INPP5D: variants seen among roughly 807,000 people sequenced by gnomAD.
INPP5D encodes the protein phosphatidylinositol 3,4,5-trisphosphate 5-phosphatase 1.
In INPP5D, 33 loss-of-function variants were observed where a neutral mutation model predicts 122.9. The observed-to-expected ratio is 0.27, with a 90% confidence interval of 0.20 to 0.36. INPP5D has a LOEUF of 0.36. Ranked by LOEUF, INPP5D falls within the 10% of genes least tolerant of loss-of-function variation. The probability of loss-of-function intolerance (pLI) is 1.00; values close to 1 mark genes in which losing one functional copy is unlikely to be tolerated. For missense variants in INPP5D, 1,053 were observed against 1,412.7 expected, an observed-to-expected ratio of 0.75 and a Z score of 4.08; for synonymous variants, 584 against 576.2, an observed-to-expected ratio of 1.01 and a Z score of -0.19.
chr2:233,170,279 G>A lies in INPP5D; in HGVS notation c.1791+115G>A. On this transcript the variant is annotated intron_variant, in intron 15 of 26. Coordinates refer to ENST00000445964, the MANE Select transcript of INPP5D (RefSeq NM_001017915.3). This position sits in a 1 kb window ranked among gnomAD's most constrained non-coding sequence, Gnocchi z 4.5. ...GTGAATCAAGTGGGCTGAGGCGGCTGCTCCCCTTGGGGGCTCAACGCTGTT... is the reference window on the plus strand; with the variant it reads ...GTGAATCAAGTGGGCTGAGGCGGCTACTCCCCTTGGGGGCTCAACGCTGTT... 1.3e-6 allele frequency: 2 copies of A among 1,515,492 alleles called. No homozygotes were observed. Among genetic ancestry groups the A allele is most frequent in the Non-Finnish European group, 8.9e-7 (1 of 1,128,354 alleles). The allele number at this position is 1,515,492 out of a possible 1,614,324, so 93.9% of individuals were successfully genotyped here. A position where few individuals can be genotyped will look rare whatever the true frequency, so the allele number is the denominator to read the frequency against.
intron 5 of INPP5D, chr2:233,131,070 A>G (rs1487371561): frequency 3.6e-6 from 2 of 558,744 alleles, no homozygotes; most frequent in African/African-American, 4.1e-5. Flanking sequence ...GTGGGTGGTT[A>G]TGGCCCAAGA....
intron 2 of INPP5D, among the ~76,000 whole-genome samples, chr2:233,115,790 T>C (rs528948375): frequency 3.3e-5 from 5 of 152,208 alleles, no homozygotes; most frequent in Non-Finnish European, 7.3e-5. Flanking sequence ...GGGCTGCCAT[T>C]ATGTCATTAT....
At chr2:233,111,240 G>A (rs2106243768) in intron 2 of INPP5D, among the ~76,000 whole-genome samples, 1 of 152,250 alleles carries the variant, frequency 6.6e-6, no homozygotes, top group South Asian at 2.1e-4. Flanking sequence ...TAACATGGAT[G>A]AAACACCACC....
chr2:233,181,087 T>C lies in INPP5D; in HGVS notation c.2072-1323T>C, dbSNP rs181998356. 1.5e-3 allele frequency among the ~76,000 whole-genome samples: 231 copies of C among 152,280 alleles called. 2 individuals are homozygous for C. In the East Asian group the frequency reaches 0.024, roughly 16 times the overall value. ...CTTTGCCCCTGGACCCTTGACTCCATCTATTCCTTCTCCACTACCAACCAG... is the reference window on the plus strand; with the variant it reads ...CTTTGCCCCTGGACCCTTGACTCCACCTATTCCTTCTCCACTACCAACCAG... On this transcript the variant is annotated intron_variant, in intron 18 of 26. Coordinates refer to ENST00000445964, the MANE Select transcript of INPP5D (RefSeq NM_001017915.3).
At chr2:233,093,155 CT>C (rs554162870) in intron 2 of INPP5D, among the ~76,000 whole-genome samples, 2 of 152,230 alleles carry the variant, frequency 1.3e-5, no homozygotes, top group African/African-American at 4.8e-5. Context: ...TCTTTCTTTT[CT>C]TTTTTTGGAC....
chr2:233,136,477 T>TAAA (rs56838121), intron 5 of INPP5D, among the ~76,000 whole-genome samples: 2 of 145,138 alleles, frequency 1.4e-5, no homozygotes, highest in Non-Finnish European at 3.0e-5. Flanking sequence ...AGACCGCGTT[T>TAAA]AAAAAAAAAA....
At chr2:233,131,770 CG>C (rs1693335161) in intron 5 of INPP5D, among the ~76,000 whole-genome samples, 1 of 152,128 alleles carries the variant, frequency 6.6e-6, no homozygotes, top group Admixed American at 6.5e-5. Flanking sequence ...ATACTGGCAA[CG>C]GTTTTGTAGT....
intron 13 of INPP5D, among the ~76,000 whole-genome samples, chr2:233,165,812 G>A (rs969741720): frequency 2.6e-5 from 4 of 151,794 alleles, no homozygotes; most frequent in African/African-American, 4.8e-5. Flanking sequence ...GTGGGTGTCC[G>A]AGTGCATGTG....
At chr2:233,201,921 G>A (rs1294018495) in intron 25 of INPP5D, among the ~76,000 whole-genome samples, 2 of 152,148 alleles carry the variant, frequency 1.3e-5, no homozygotes, top group Non-Finnish European at 2.9e-5. Context: ...TCAATTTCTT[G>A]TTACCTTTGG....
chr2:233,127,091 A>G (rs1261886381), intron 4 of INPP5D, among the ~76,000 whole-genome samples: 2 of 152,044 alleles, frequency 1.3e-5, no homozygotes, highest in African/African-American at 2.4e-5. Flanking sequence ...CGCCAACTCC[A>G]TCTCCTCCTC....
At chr2:233,130,868 C>T in intron 5 of INPP5D, 1 of 698,308 alleles carries the variant, frequency 1.4e-6, no homozygotes, top group Non-Finnish European at 2.6e-6. Context: ...CTTTTTACAA[C>T]TAAAGTTAAT....
At chr2:233,123,677 T>C (rs957765154) in intron 3 of INPP5D, among the ~76,000 whole-genome samples, 3 of 152,232 alleles carry the variant, frequency 2.0e-5, no homozygotes, top group African/African-American at 7.2e-5. Context: ...TGTATGTTCA[T>C]TGCAGCACTA....
intron 2 of INPP5D, among the ~76,000 whole-genome samples, chr2:233,120,146 G>A (rs1692928097): frequency 1.3e-5 from 2 of 152,204 alleles, no homozygotes; most frequent in South Asian, 4.1e-4. Context: ...TGAGATCCTT[G>A]ACTTCTAACT....
chr2:233,203,811 C>T (rs891008929), intron 25 of INPP5D, among the ~76,000 whole-genome samples: 1 of 152,040 alleles, frequency 6.6e-6, no homozygotes, highest in South Asian at 2.1e-4. Flanking sequence ...CTAGCTACTC[C>T]CAGCTACTCC....
At position 233,079,386 on chromosome 2, in the gene INPP5D, ATTCACTG is replaced by A; in HGVS notation, c.191_197del (p.Thr64ArgfsTer8). 1 of 1,597,516 alleles carries A rather than the reference ATTCACTG, an allele frequency of 6.3e-7. No individual in the cohort carries two copies. Among genetic ancestry groups the A allele is most frequent in the Non-Finnish European group, 8.6e-7 (1 of 1,164,962 alleles). On this transcript the variant is annotated frameshift_variant, in exon 2 of 27. Coordinates refer to ENST00000445964, the MANE Select transcript of INPP5D (RefSeq NM_001017915.3). LOFTEE classifies it high-confidence loss of function. Reference sequence around the variant, plus strand: ...GAATTCTGCCCAATGAAGATGATAAATTCACTGTTCAGGTGAGTCCTTTATAAACCTA... The same window carrying A: ...GAATTCTGCCCAATGAAGATGATAAATTCAGGTGAGTCCTTTATAAACCTA...
intron 5 of INPP5D, among the ~76,000 whole-genome samples, chr2:233,132,920 G>T (rs1047951400): frequency 7.6e-6 from 1 of 131,510 alleles, no homozygotes; most frequent in Non-Finnish European, 1.6e-5. Flanking sequence ...ACAGGATCTC[G>T]CTCTGTCACC....
chr2:233,154,021 C>T lies in INPP5D; in HGVS notation c.1031-4292C>T, dbSNP rs1392781319. 3.3e-5 allele frequency among the ~76,000 whole-genome samples: 5 copies of T among 152,342 alleles called. No homozygotes were observed. The South Asian group carries it at 8.3e-4, about 25-fold the overall frequency. ...GGATTCAGCCCATCAGACCACCCTG[C>T]GGAGAAGCCCTGCTCGACAGACCCC... On this transcript the variant is annotated intron_variant, in intron 9 of 26. Transcript: ENST00000445964.
chr2:233,062,407 G>A (rs1419541852), intron 1 of INPP5D, among the ~76,000 whole-genome samples: 1 of 152,228 alleles, frequency 6.6e-6, no homozygotes, highest in African/African-American at 2.4e-5. Flanking sequence ...TGGTGCAACA[G>A]CCCTGGCTTT....
At chr2:233,123,452 C>CAAA (rs34144613) in intron 3 of INPP5D, among the ~76,000 whole-genome samples, 2,789 of 117,670 alleles carry the variant, frequency 0.024, 79 homozygotes, top group East Asian at 0.18. Context: ...GACTCCGTCT[C>CAAA]AAAAAAAAAA....
Sources: allele counts gnomAD v4.1 joint callset (sites outside exome capture counted in the v4.1 genomes callset), GRCh38; gene constraint gnomAD v4.1.1; non-coding constraint Gnocchi (gnomAD v3.1); transcripts MANE v1.5; gene names NCBI Gene and HGNC (gene_info 2026-07-23, HGNC 2026-07-21).